The following ALOX5AP variants were observed in gnomAD, a reference collection of about 807,000 sequenced individuals.
The protein encoded by ALOX5AP is arachidonate 5-lipoxygenase-activating protein.
A neutral mutation model predicts 18.5 loss-of-function variants in ALOX5AP; 9 were observed. The observed-to-expected ratio is 0.49, with a 90% confidence interval of 0.29 to 0.85. ALOX5AP has a LOEUF of 0.85. Among genes scored for constraint, ALOX5AP ranks in the 40% least tolerant of loss-of-function variants. The pLI is 0.08. For missense variants in ALOX5AP, 172 were observed against 202.5 expected (o/e 0.85, Z 0.91); for synonymous variants, 81 against 78.6 (o/e 1.03, Z -0.16).
chr13:30,734,961 T>A (rs1201210760), upstream of ALOX5AP, among the ~76,000 whole-genome samples: 1 of 152,130 alleles, frequency 6.6e-6, no homozygotes, highest in Non-Finnish European at 1.5e-5. Flanking sequence ...GGGGCACAGA[T>A]CTTTTGGTGT....
intron 1 of ALOX5AP, among the ~76,000 whole-genome samples, chr13:30,730,011 C>A (rs904240675): frequency 6.6e-6 from 1 of 152,200 alleles, no homozygotes; most frequent in Non-Finnish European, 1.5e-5. Context: ...AGAAGTTTTG[C>A]GGATACTACA....
At chr13:30,743,084 G>T (rs976572342) in intron 1 of ALOX5AP, among the ~76,000 whole-genome samples, 1 of 151,942 alleles carries the variant, frequency 6.6e-6, no homozygotes, top group African/African-American at 2.4e-5. Context: ...GCTCTCAGAC[G>T]GAACTAAGTT....
At chr13:30,726,613 T>C (rs1566079856) in intron 1 of ALOX5AP, among the ~76,000 whole-genome samples, 1 of 152,178 alleles carries the variant, frequency 6.6e-6, no homozygotes, top group African/African-American at 2.4e-5. Context: ...CACAACCAAT[T>C]TGAGAAATGA....
chr13:30,744,897 C>T (rs545346351), intron 2 of ALOX5AP, among the ~76,000 whole-genome samples: 39 of 152,296 alleles, frequency 2.6e-4, no homozygotes, highest in Non-Finnish European at 4.9e-4. Context: ...CAGAGGAAGG[C>T]CTCATGCTAG....
intron 1 of ALOX5AP, among the ~76,000 whole-genome samples, chr13:30,742,796 C>A (rs1369993582): frequency 6.6e-6 from 1 of 151,934 alleles, no homozygotes; most frequent in Non-Finnish European, 1.5e-5. Context: ...TCCCTTTTTT[C>A]ACTCTTGAAA....
intron 1 of ALOX5AP, among the ~76,000 whole-genome samples, chr13:30,723,598 C>T (rs1328958055): frequency 1.3e-5 from 2 of 152,260 alleles, no homozygotes; most frequent in East Asian, 1.9e-4. Flanking sequence ...TCTAATCTTT[C>T]TGAAATACAA....
intron 1 of ALOX5AP, among the ~76,000 whole-genome samples, chr13:30,714,408 A>T (rs1436623932): frequency 6.6e-6 from 1 of 151,944 alleles, no homozygotes; most frequent in African/African-American, 2.4e-5. Flanking sequence ...GGGAGACCTG[A>T]CGGGTCGATG....
chr13:30,714,859 A>G (rs1278299303), intron 1 of ALOX5AP, among the ~76,000 whole-genome samples: 2 of 152,004 alleles, frequency 1.3e-5, no homozygotes, highest in Non-Finnish European at 2.9e-5. Context: ...CACAGTGTTC[A>G]TTTTCCTTTG....
At chr13:30,714,424 C>T (rs775405903) in intron 1 of ALOX5AP, among the ~76,000 whole-genome samples, 30 of 152,134 alleles carry the variant, frequency 2.0e-4, no homozygotes, top group Admixed American at 5.2e-4. Context: ...CGATGTGGGG[C>T]ATCATCCACT....
intron 2 of ALOX5AP, among the ~76,000 whole-genome samples, chr13:30,750,622 G>A (rs149428939): frequency 6.6e-6 from 1 of 152,152 alleles, no homozygotes; most frequent in Non-Finnish European, 1.5e-5. Context: ...GGAAACATGA[G>A]AGCAATTGTG....
At chr13:30,740,985 G>A (rs1055778566) in intron 1 of ALOX5AP, among the ~76,000 whole-genome samples, 7 of 151,932 alleles carry the variant, frequency 4.6e-5, no homozygotes, top group Admixed American at 3.3e-4. Context: ...GTCATCCCTC[G>A]GTATCCCTGG....
At chr13:30,746,774 T>C (rs887708845) in intron 2 of ALOX5AP, among the ~76,000 whole-genome samples, 1 of 152,260 alleles carries the variant, frequency 6.6e-6, no homozygotes, top group African/African-American at 2.4e-5. Flanking sequence ...TCATTTTTAA[T>C]ATACACATGG....
At chr13:30,746,089 G>A (rs1951806841) in intron 2 of ALOX5AP, among the ~76,000 whole-genome samples, 1 of 152,244 alleles carries the variant, frequency 6.6e-6, no homozygotes, top group Non-Finnish European at 1.5e-5. Context: ...TTTGTAAGAA[G>A]CCATGGTGCT....
intron 4 of ALOX5AP, among the ~76,000 whole-genome samples, chr13:30,760,292 A>G (rs1361887917): frequency 6.6e-6 from 1 of 151,962 alleles, no homozygotes; most frequent in Non-Finnish European, 1.5e-5. Context: ...GGGGGGCCAC[A>G]GAGAGCTGAG....
At chr13:30,739,731 A>G (rs1352404428) in intron 1 of ALOX5AP, among the ~76,000 whole-genome samples, 3 of 152,196 alleles carry the variant, frequency 2.0e-5, no homozygotes, top group African/African-American at 7.2e-5. Flanking sequence ...CCAGCCTAGA[A>G]ATACATACTA....
chr13:30,723,829 T>C (rs999343340), intron 1 of ALOX5AP, among the ~76,000 whole-genome samples: 1 of 152,214 alleles, frequency 6.6e-6, no homozygotes, highest in African/African-American at 2.4e-5. Context: ...TGAACTCCTG[T>C]GCTCAAGCGA....
intron 1 of ALOX5AP, among the ~76,000 whole-genome samples, chr13:30,722,361 G>A (rs1483931256): frequency 2.6e-5 from 4 of 152,124 alleles, no homozygotes; most frequent in African/African-American, 9.7e-5. Flanking sequence ...GCCTACCCCT[G>A]GAATTCCTTT....
chr13:30,741,033 C>T (rs562832717), intron 1 of ALOX5AP, among the ~76,000 whole-genome samples: 9 of 147,838 alleles, frequency 6.1e-5, no homozygotes, highest in East Asian at 2.0e-4. Context: ...TGCCAAAATT[C>T]GTGGATGCTC....
rs59562797 is a variant in ALOX5AP, at chr13:30,718,382, C to CATATATATATATAT, written c.116+4552_116+4565dup. Among the ~76,000 whole-genome samples the CATATATATATATAT allele has an allele frequency of 2.2e-3, 305 of 139,712 alleles. 1 individual carries two copies. The highest frequency in any genetic ancestry group is 0.019 in the Middle Eastern group (5 of 264). The allele number at this position is 139,712 out of a possible 152,430, so 91.7% of individuals were successfully genotyped here. On this transcript the variant is annotated intron_variant, in intron 1 of 5. Coordinates refer to the ALOX5AP transcript ENST00000617770. ...TGGATGAAAACCTATCACAGATATG[C>CATATATATATATAT]ATATATATATATATATATATATATG... is the stretch of plus-strand genomic sequence containing the variant.
Sources: gnomAD v4.1 joint callset for allele counts (sites outside exome capture counted in the v4.1 genomes callset) on GRCh38, gnomAD v4.1.1 for gene constraint, MANE v1.5 for transcripts, NCBI Gene and HGNC (gene_info 2026-07-23, HGNC 2026-07-21) for gene names.